Variants in THBS3 observed in about 807,000 individuals in gnomAD.
The protein encoded by THBS3 is thrombospondin 3, also known as thrombospondin-3.
Under a neutral mutation model 118.3 loss-of-function variants are expected in THBS3, and 78 were observed. That is an observed-to-expected ratio of 0.66 (90% CI 0.55 to 0.80). THBS3 has a LOEUF of 0.80. Ranked by LOEUF, THBS3 falls within the 30% of genes least tolerant of loss-of-function variation. The pLI is 0.00. For missense variants in THBS3, 1,057 were observed against 1,247.4 expected, an observed-to-expected ratio of 0.85 and a Z score of 2.30; for synonymous variants, 427 against 475.3, an observed-to-expected ratio of 0.90 and a Z score of 1.32.
intron 17 of THBS3, 35 bp downstream of exon 17, chr1:155,198,374 C>CA (rs1669058894): frequency 6.2e-7 from 1 of 1,602,322 alleles, no homozygotes; most frequent in Non-Finnish European, 8.5e-7. Context: ...GCAAAGGCAA[C>CA]ACCAGTCTAA....
chr1:155,198,456 G>A lies in THBS3; in HGVS notation c.2027C>T (p.Pro676Leu), dbSNP rs1669074625. The A allele has an allele frequency of 1.2e-6, 2 of 1,614,050 alleles. No individual in the cohort carries two copies. Among genetic ancestry groups the A allele is most frequent in the Non-Finnish European group, 1.7e-6 (2 of 1,180,028 alleles). ...DGIPDYVPPG[P>L]DNCRLVPNPN... is the part of the protein sequence containing the mutation. ...ATTGGGTACCAGGCGGCAGTTATCGGGACCAGGAGGCACATAATCTGGGAT... is the reference window on the plus strand; with the variant it reads ...ATTGGGTACCAGGCGGCAGTTATCGAGACCAGGAGGCACATAATCTGGGAT... The change falls in exon 17 of 23, where the codon CCC (proline) becomes CTC (leucine). Residue 676 changes from proline (P) to leucine (L), a missense_variant. This residue lies in a region of THBS3 where 544 missense variants were observed against 715.6 expected (regional missense o/e 0.76). Transcript: ENST00000368378.
intron 5 of THBS3, 48 bp downstream of exon 5, chr1:155,203,465 G>A (rs1670096547): frequency 1.2e-6 from 2 of 1,610,542 alleles, no homozygotes; most frequent in Middle Eastern, 1.9e-4. Flanking sequence ...GCCAGAGCCT[G>A]GGGCCTCCTC....
intron 4 of THBS3, 45 bp from the exon 5 acceptor site, chr1:155,203,584 AAG>A: frequency 6.2e-7 from 1 of 1,610,216 alleles, no homozygotes. Flanking sequence ...AGGTGAAGTG[AAG>A]AGAGGCCTGG....
chr1:155,201,122 C>A lies in THBS3; in HGVS notation c.1412G>T (p.Cys471Phe), dbSNP rs766391812. The A allele has an allele frequency of 6.2e-7, 1 of 1,614,224 alleles. No homozygotes were observed. Among genetic ancestry groups the A allele is most frequent in the Non-Finnish European group, 8.5e-7 (1 of 1,180,044 alleles). Residue 471 changes from cysteine to phenylalanine, a missense_variant, in exon 12 of 23, where the codon TGC becomes TTC. By Grantham distance (205) the Cys-to-Phe change is radical. Transcript: ENST00000368378. ...IDGYPDQALP[C>F]MDNNKHCKQD... ...TTTGCAGTGTTTGTTGTTGTCCATGCAGGGCAGTGCTTGGTCTGGGTAGCC... is the reference window on the plus strand; with the variant it reads ...TTTGCAGTGTTTGTTGTTGTCCATGAAGGGCAGTGCTTGGTCTGGGTAGCC...
rs1175201819 is a variant in THBS3, at chr1:155,202,324, A to C, written c.1035T>G (p.Pro345=). The C allele has an allele frequency of 6.2e-7, 1 of 1,614,082 alleles. No individual in the cohort carries two copies. Among genetic ancestry groups the C allele is most frequent in the East Asian group, 2.2e-5 (1 of 44,882 alleles). Residue 345 remains proline (P), a synonymous_variant, in exon 9 of 23, where the codon CCT becomes CCG. Transcript: ENST00000368378. This position sits in a 1 kb window ranked among gnomAD's most constrained non-coding sequence, Gnocchi z 5.5. ...TMPGFHCEAC[P]RGYKGTQVSG... is the part of the protein sequence containing the mutation. ...ACACCTGTGTGCCCTTGTACCCTCGAGGACAGGCCTCACAGTGGAAGCCGG... is the reference window on the plus strand; with the variant it reads ...ACACCTGTGTGCCCTTGTACCCTCGCGGACAGGCCTCACAGTGGAAGCCGG...
In THBS3 at chr1:155,198,590, C is replaced by T; in HGVS notation, c.1893G>A (p.Gly631=). 1 of 1,613,934 alleles carries T rather than the reference C, an allele frequency of 6.2e-7. No individual in the cohort carries two copies. The highest frequency in any genetic ancestry group is 8.5e-7 in the Non-Finnish European group (1 of 1,179,852). ...CDTNEDSDGD[G]HQDTKDNCPQ... is the part of the protein sequence containing the mutation. ...GGCAGTTGTCCTTGGTGTCCTGATGCCCATCCCCATCGCTAATCAGAAGAA... is the reference window on the plus strand; with the variant it reads ...GGCAGTTGTCCTTGGTGTCCTGATGTCCATCCCCATCGCTAATCAGAAGAA... The change falls in exon 17 of 23, where the codon GGG becomes GGA. Residue 631 remains glycine (G), a synonymous_variant. Coordinates refer to ENST00000368378, the MANE Select transcript of THBS3 (RefSeq NM_007112.5).
Position 155,204,902 on chromosome 1 carries a change from G to C in THBS3, c.599C>G (p.Ala200Gly). ...ILGGSMARVG[A>G]LSECPFQGDE... ...CCCTTGGAATGGACACTCACTCAGG[G>C]CTCCTACCCGGGCCATGGACCCACC... Residue 200 changes from alanine to glycine, a missense_variant, in exon 4 of 23, where the codon GCC (alanine) becomes GGC (glycine). By Grantham distance (60) the Ala-to-Gly change is moderately conservative. Coordinates refer to ENST00000368378, the MANE Select transcript of THBS3 (RefSeq NM_007112.5). 1 of 1,613,920 alleles carries C rather than the reference G, an allele frequency of 6.2e-7. No individual in the cohort carries two copies. Among genetic ancestry groups the C allele is most frequent in the Non-Finnish European group, 8.5e-7 (1 of 1,180,006 alleles).
At position 155,205,074 on chromosome 1, in the gene THBS3, A is replaced by G. The variant is rs777693624; in HGVS notation, c.529T>C (p.Tyr177His). 1 of 1,613,426 alleles carries G rather than the reference A, an allele frequency of 6.2e-7. No individual in the cohort carries two copies. Among genetic ancestry groups the G allele is most frequent in the East Asian group, 2.2e-5 (1 of 44,866 alleles). ...GLEIRTGQKAYLRMQGFVESM... is the reference protein window; with the variant it reads ...GLEIRTGQKAHLRMQGFVESM... Reference sequence around the variant, plus strand: ...TCCCGGCTCACCTGCATCCTCAAATACGCCTTCTGTCCAGTCCTAATCTCC... The same window carrying G: ...TCCCGGCTCACCTGCATCCTCAAATGCGCCTTCTGTCCAGTCCTAATCTCC... Residue 177 changes from tyrosine to histidine, a missense_variant, in exon 3 of 23, where the codon TAT (tyrosine) becomes CAT (histidine). Coordinates refer to ENST00000368378, the MANE Select transcript of THBS3 (RefSeq NM_007112.5).
intron 1 of THBS3, among the ~76,000 whole-genome samples, chr1:155,207,316 G>A (rs953536058): frequency 6.6e-6 from 1 of 152,172 alleles, no homozygotes; most frequent in Non-Finnish European, 1.5e-5. Context: ...AAGAATCTAT[G>A]CCTGTGTCAT....
chr1:155,208,825 C>T (rs775010955), upstream of THBS3: 107 of 1,575,688 alleles, frequency 6.8e-5, 1 homozygote, highest in Admixed American at 1.3e-3. Context: ...GGGGACCCCC[C>T]CGCAGTCCCC....
Position 155,204,663 on chromosome 1 carries a change from C to CT in THBS3, c.646+191_646+192insA. The stretch of plus-strand genomic sequence containing the variant: ...CAATTAACCAATTCTTCTCTTAGAT[C>CT]ACTTTTTTTCTCGGATGGGTGTATT... On this transcript the variant is annotated intron_variant, in intron 4 of 22. Coordinates refer to ENST00000368378, the MANE Select transcript of THBS3 (RefSeq NM_007112.5). 5.0e-6 allele frequency: 3 copies of CT among 599,592 alleles called. No homozygotes were observed. The Admixed American group carries it at 8.9e-5, about 18-fold the overall frequency. The allele number at this position is 599,592 out of a possible 1,614,324, so 37.1% of individuals were successfully genotyped here.
At chr1:155,208,254 A>C (rs1670841628), upstream of THBS3, among the ~76,000 whole-genome samples, 1 of 152,212 alleles carries the variant, frequency 6.6e-6, no homozygotes, top group African/African-American at 2.4e-5. Context: ...GACAGTGGGC[A>C]TTATTCCACA....
At position 155,206,660 on chromosome 1, in the gene THBS3, C is replaced by A. The variant is rs1416711319; in HGVS notation, c.80-254G>T. On this transcript the variant is annotated intron_variant, in intron 1 of 22. Coordinates refer to ENST00000368378, the MANE Select transcript of THBS3 (RefSeq NM_007112.5). This position sits in a 1 kb window ranked among gnomAD's most constrained non-coding sequence, Gnocchi z 4.2. ...TGAAACCCCGTGTCTACTAAAAATA[C>A]AAAAACAACAACAAAAAAGAAAAAA... Among the ~76,000 whole-genome samples, 5 of 151,794 alleles carry A rather than the reference C, an allele frequency of 3.3e-5. 1 individual carries two copies. The highest frequency in any genetic ancestry group is 3.3e-4 in the Admixed American group (5 of 15,242).
At chr1:155,199,737 A>G in intron 16 of THBS3, 67 bp downstream of exon 16, 1 of 1,569,434 alleles carries the variant, frequency 6.4e-7, no homozygotes, top group African/African-American at 1.4e-5. Context: ...CCTAGGTGAC[A>G]GAGCAAGACT....
intron 14 of THBS3, 103 bp from the exon 15 acceptor site, chr1:155,200,216 T>G (rs1669484699): frequency 1.8e-5 from 21 of 1,158,648 alleles, no homozygotes; most frequent in Non-Finnish European, 2.6e-5. Flanking sequence ...AGAGGACAAC[T>G]GGCCAGGAAA....
upstream of THBS3, chr1:155,208,718 G>T: frequency 2.3e-6 from 1 of 438,362 alleles, no homozygotes; most frequent in Non-Finnish European, 3.6e-6. Flanking sequence ...CCCGGCCTCC[G>T]CTCCGGCCGC....
intron 14 of THBS3, 59 bp downstream of exon 14, chr1:155,200,392 C>T: frequency 6.3e-7 from 1 of 1,586,210 alleles, no homozygotes; most frequent in African/African-American, 1.3e-5. Flanking sequence ...CTGCTTCATC[C>T]CCACCTGATC....
chr1:155,201,025 A>G (rs1669624919), intron 12 of THBS3, 21 bp from the exon 13 acceptor site: 1 of 1,614,198 alleles, frequency 6.2e-7, no homozygotes, highest in Non-Finnish European at 8.5e-7. Context: ...GGGGAAGAGG[A>G]TGGATGAGTT....
chr1:155,206,430 G>T lies in THBS3; in HGVS notation c.80-24C>A. 6.2e-7 allele frequency: 1 copy of T among 1,609,098 alleles called. No homozygotes were observed. Among genetic ancestry groups the T allele is most frequent in the Non-Finnish European group, 8.5e-7 (1 of 1,176,348 alleles). On this transcript the variant is annotated intron_variant, in intron 1 of 22. Transcript: ENST00000368378. The surrounding 1 kb of genome is among the most constrained non-coding windows in gnomAD (Gnocchi z 4.2). Reference sequence around the variant, plus strand: ...TACTGGTCAGGCAGGGGTTATCAAGGTTAGAGAATGGGATCAAATGCTAAG... The same window carrying T: ...TACTGGTCAGGCAGGGGTTATCAAGTTTAGAGAATGGGATCAAATGCTAAG...
Sources: allele counts gnomAD v4.1 joint callset (sites outside exome capture counted in the v4.1 genomes callset), GRCh38; gene constraint gnomAD v4.1.1; regional missense constraint gnomAD v4.1.1; non-coding constraint Gnocchi (gnomAD v3.1); transcripts MANE v1.5; gene names NCBI Gene and HGNC (gene_info 2026-07-23, HGNC 2026-07-21).